RABGAP1L: variants seen among roughly 807,000 people sequenced by gnomAD.
RABGAP1L encodes the protein rab GTPase-activating protein 1-like.
A neutral mutation model predicts 137.7 loss-of-function variants in RABGAP1L; 63 were observed. The observed-to-expected ratio is 0.46, with a 90% CI of 0.37 to 0.56. The LOEUF (loss-of-function observed/expected upper bound fraction) is 0.56, where lower values mean the gene tolerates loss of function less well. Among genes scored for constraint, RABGAP1L ranks in the 20% least tolerant of loss-of-function variants. RABGAP1L has a pLI of 0.00. For missense variants in RABGAP1L, 1,095 were observed against 1,244.0 expected (o/e 0.88, Z 1.80); for synonymous variants, 431 against 433.7 (o/e 0.99, Z 0.08).
intron 19 of RABGAP1L, among the ~76,000 whole-genome samples, chr1:174,818,868 T>C (rs1268261000): frequency 6.6e-6 from 1 of 150,724 alleles, no homozygotes; most frequent in Non-Finnish European, 1.5e-5. Context: ...AAAAAAAAAA[T>C]TAGCCAGGCA....
At chr1:174,270,584 T>G (rs1674471508) in intron 7 of RABGAP1L, among the ~76,000 whole-genome samples, 1 of 151,952 alleles carries the variant, frequency 6.6e-6, no homozygotes. Flanking sequence ...CTTGTAATCC[T>G]TATGCCTATA....
chr1:174,672,892 G>A (rs1451237871), intron 14 of RABGAP1L, among the ~76,000 whole-genome samples: 1 of 152,148 alleles, frequency 6.6e-6, no homozygotes, highest in African/African-American at 2.4e-5. Flanking sequence ...TATCATTCAT[G>A]TAACATGCTT....
intron 7 of RABGAP1L, among the ~76,000 whole-genome samples, chr1:174,263,845 C>G (rs1188680841): frequency 6.6e-6 from 1 of 151,776 alleles, no homozygotes; most frequent in Non-Finnish European, 1.5e-5. Flanking sequence ...TTTCATTTGA[C>G]TCTTCTGTAT....
At chr1:174,534,802 A>AAAAAT (rs1553324953) in intron 13 of RABGAP1L, among the ~76,000 whole-genome samples, 11 of 137,302 alleles carry the variant, frequency 8.0e-5, no homozygotes, top group Non-Finnish European at 1.4e-4. Context: ...AAAAAAAAAA[A>AAAAAT]AATAATTAGA....
At chr1:174,275,483 C>T (rs1674918499) in intron 8 of RABGAP1L, among the ~76,000 whole-genome samples, 1 of 152,002 alleles carries the variant, frequency 6.6e-6, no homozygotes, top group African/African-American at 2.4e-5. Context: ...TTAATAGAAA[C>T]CATATACATT....
chr1:174,405,113 G>A (rs1354169111), intron 13 of RABGAP1L, among the ~76,000 whole-genome samples: 1 of 152,058 alleles, frequency 6.6e-6, no homozygotes, highest in Non-Finnish European at 1.5e-5. Flanking sequence ...TGATAATATT[G>A]GAAATTCTCA....
rs191779794 is a variant in RABGAP1L, at chr1:174,318,229, C to G, written c.1465+13102C>G. Among the ~76,000 whole-genome samples, 178 of 152,260 alleles carry G rather than the reference C, an allele frequency of 1.2e-3. 1 individual carries two copies. The highest frequency in any genetic ancestry group is 4.2e-3 in the African/African-American group (174 of 41,550). On this transcript the variant is annotated intron_variant, in intron 11 of 25. Coordinates refer to ENST00000681986, the MANE Select transcript of RABGAP1L (RefSeq NM_001366446.1). ...GCTTTCTATTCCCTATCTTCCTCCA[C>G]CTACCTCTCCCCTTGTCTCTTTTTA...
intron 16 of RABGAP1L, 117 bp from the exon 17 acceptor site, chr1:174,701,996 C>CTAGA: frequency 2.3e-6 from 2 of 886,214 alleles, no homozygotes; most frequent in Non-Finnish European, 3.5e-6. Flanking sequence ...ACAACCAATA[C>CTAGA]TAGAATAGAG....
chr1:174,283,200 T>C (rs906029978), intron 10 of RABGAP1L, among the ~76,000 whole-genome samples: 2 of 151,780 alleles, frequency 1.3e-5, no homozygotes, highest in African/African-American at 4.8e-5. Flanking sequence ...GCCAGGAGTT[T>C]GAGACCAGCC....
At chr1:174,964,954 A>T in intron 20 of RABGAP1L, 1 of 1,506,096 alleles carries the variant, frequency 6.6e-7, no homozygotes, top group African/African-American at 1.4e-5. Context: ...CCTATGATTG[A>T]AAACAGTAGT....
chr1:174,365,096 G>A (rs1457362218), intron 11 of RABGAP1L: 2 of 152,258 alleles, frequency 1.3e-5, no homozygotes, highest in Non-Finnish European at 2.9e-5. Context: ...CCTGGAGTTG[G>A]GGGAGTGGTG....
chr1:174,504,723 A>G (rs1661653723), intron 13 of RABGAP1L, among the ~76,000 whole-genome samples: 1 of 152,240 alleles, frequency 6.6e-6, no homozygotes, highest in Non-Finnish European at 1.5e-5. Flanking sequence ...CAAAAATTCA[A>G]GTCAAAATGA....
chr1:174,504,258 C>A (rs1230667092), intron 13 of RABGAP1L, among the ~76,000 whole-genome samples: 5 of 151,924 alleles, frequency 3.3e-5, no homozygotes, highest in African/African-American at 1.2e-4. Flanking sequence ...CAGGCATGAG[C>A]CAGCACGCCT....
intron 13 of RABGAP1L, among the ~76,000 whole-genome samples, chr1:174,497,751 G>A (rs1660874506): frequency 6.6e-6 from 1 of 152,198 alleles, no homozygotes; most frequent in Non-Finnish European, 1.5e-5. Flanking sequence ...CTTATAAAGA[G>A]CAGTGACCTT....
chr1:174,549,135 A>G (rs1666242336), intron 13 of RABGAP1L, among the ~76,000 whole-genome samples: 1 of 152,206 alleles, frequency 6.6e-6, no homozygotes, highest in African/African-American at 2.4e-5. Context: ...TATCCTACTC[A>G]AAAATGACAG....
chr1:174,191,692 T>A (rs532872483), intron 1 of RABGAP1L, among the ~76,000 whole-genome samples: 2 of 152,334 alleles, frequency 1.3e-5, no homozygotes, highest in African/African-American at 4.8e-5. Flanking sequence ...CCAGGTCTTA[T>A]AACTGCTTGG....
At chr1:174,566,301 G>GT (rs1162987727) in intron 13 of RABGAP1L, among the ~76,000 whole-genome samples, 2 of 152,104 alleles carry the variant, frequency 1.3e-5, no homozygotes, top group Non-Finnish European at 2.9e-5. Flanking sequence ...CCTACAAAGA[G>GT]TTTTTTTGTT....
chr1:174,198,829 C>T (rs1667892126), intron 1 of RABGAP1L, among the ~76,000 whole-genome samples: 2 of 152,176 alleles, frequency 1.3e-5, no homozygotes, highest in Admixed American at 1.3e-4. Context: ...AGGGCCAGGG[C>T]CGGGCATGGT....
At chr1:174,396,690 A>AT (rs2149090715) in intron 13 of RABGAP1L, among the ~76,000 whole-genome samples, 1 of 152,252 alleles carries the variant, frequency 6.6e-6, no homozygotes, top group Non-Finnish European at 1.5e-5. Context: ...CATACCTTTA[A>AT]AAATTTTAAG....
Sources: gnomAD v4.1 joint callset for allele counts (sites outside exome capture counted in the v4.1 genomes callset) on GRCh38, gnomAD v4.1.1 for gene constraint, MANE v1.5 for transcripts, NCBI Gene and HGNC (gene_info 2026-07-23, HGNC 2026-07-21) for gene names.